The following CADPS2 variants were observed in gnomAD, a reference collection of about 807,000 sequenced individuals.
CADPS2 encodes calcium-dependent secretion activator 2.
A neutral mutation model predicts 172.5 loss-of-function variants in CADPS2; 93 were observed. The observed-to-expected ratio is 0.54, with a 90% CI of 0.46 to 0.64. The LOEUF (loss-of-function observed/expected upper bound fraction) is 0.64, where lower values mean the gene tolerates loss of function less well. CADPS2 is among the 30% of genes least tolerant of loss of function. The pLI is 0.00. For synonymous variants in CADPS2, 546 were observed against 555.2 expected, an observed-to-expected ratio of 0.98 and a Z score of 0.23; for missense variants, 1,420 against 1,565.9, an observed-to-expected ratio of 0.91 and a Z score of 1.57.
intron 14 of CADPS2, among the ~76,000 whole-genome samples, chr7:122,468,089 T>C (rs1410273230): frequency 6.6e-6 from 1 of 152,178 alleles, no homozygotes; most frequent in Non-Finnish European, 1.5e-5. Context: ...CCTAGAGAGC[T>C]CAACACTGTG....
intron 2 of CADPS2, among the ~76,000 whole-genome samples, chr7:122,687,794 A>G (rs2083830951): frequency 6.6e-6 from 1 of 152,210 alleles, no homozygotes; most frequent in African/African-American, 2.4e-5. Context: ...AAAAATAGTA[A>G]CACTGAAATT....
At chr7:122,551,129 TAAAA>T (rs1218747989) in intron 8 of CADPS2, among the ~76,000 whole-genome samples, 1 of 152,022 alleles carries the variant, frequency 6.6e-6, no homozygotes, top group Non-Finnish European at 1.5e-5. Context: ...CCTTCTGGTT[TAAAA>T]AAATAGTCAT....
At chr7:122,436,417 AACTCT>A in intron 17 of CADPS2, 1 of 1,230,404 alleles carries the variant, frequency 8.1e-7, no homozygotes, top group Non-Finnish European at 1.1e-6. Context: ...GAGAAAAGCA[AACTCT>A]ACCCTTGTCG....
Position 122,323,870 on chromosome 7 carries a change from A to ATT in CADPS2, c.3717+1605_3717+1606dup, listed in dbSNP as rs1350484430. 3.2e-3 allele frequency among the ~76,000 whole-genome samples: 305 copies of ATT among 95,938 alleles called. 10 individuals are homozygous for ATT. The highest frequency in any genetic ancestry group is 9.5e-3 in the East Asian group (32 of 3,368). The allele number at this position is 95,938 out of a possible 152,430, so 62.9% of individuals were successfully genotyped here. A position where few individuals can be genotyped will look rare whatever the true frequency, so the allele number is the denominator to read the frequency against. On this transcript the variant is annotated intron_variant, in intron 29 of 29. Transcript: ENST00000449022. ...ATATGCATATTATATACATATGTAT[A>ATT]TTTTATATATATATATATATATATA...
intron 5 of CADPS2, among the ~76,000 whole-genome samples, chr7:122,619,771 A>G (rs2471215): frequency 0.76 from 115,253 of 152,164 alleles, 43,913 homozygotes; most frequent in Middle Eastern, 0.91. Context: ...AGACAGGAAT[A>G]ATGAGGAAAT....
chr7:122,373,517 C>G (rs1744642566), intron 25 of CADPS2, among the ~76,000 whole-genome samples: 2 of 152,124 alleles, frequency 1.3e-5, no homozygotes, highest in Admixed American at 6.5e-5. Flanking sequence ...CACGCCTGCC[C>G]AAAGGCCCTA....
At chr7:122,871,385 A>C (rs1819708136) in intron 1 of CADPS2, among the ~76,000 whole-genome samples, 1 of 151,984 alleles carries the variant, frequency 6.6e-6, no homozygotes, top group Non-Finnish European at 1.5e-5. Flanking sequence ...ATATATGCTT[A>C]TCACTGACAA....
Position 122,657,160 on chromosome 7 carries a change from A to T in CADPS2, c.786+6077T>A, listed in dbSNP as rs555494270. Among the ~76,000 whole-genome samples, 789 of 152,148 alleles carry T rather than the reference A, an allele frequency of 5.2e-3. 10 individuals carry two copies. Among genetic ancestry groups the T allele is most frequent in the Admixed American group, 0.013 (199 of 15,258 alleles). ...TTCTGAGGACTCTGCTCTGTTCCATAGGTCTATATCTCTGTTTTGGTACCA... is the reference window on the plus strand; with the variant it reads ...TTCTGAGGACTCTGCTCTGTTCCATTGGTCTATATCTCTGTTTTGGTACCA... On this transcript the variant is annotated intron_variant, in intron 3 of 29. Coordinates refer to ENST00000449022, the MANE Select transcript of CADPS2 (RefSeq NM_017954.11).
intron 17 of CADPS2, among the ~76,000 whole-genome samples, chr7:122,431,636 A>G (rs574395942): frequency 6.6e-6 from 1 of 152,324 alleles, no homozygotes; most frequent in South Asian, 2.1e-4. Context: ...CTGTAGACAC[A>G]CTACATAACC....
intron 1 of CADPS2, among the ~76,000 whole-genome samples, chr7:122,812,942 A>G (rs1800394929): frequency 6.6e-6 from 1 of 152,156 alleles, no homozygotes; most frequent in African/African-American, 2.4e-5. Context: ...TTTTTAGTTC[A>G]TTCTCTATGG....
At chr7:122,527,257 C>T (rs2061310006) in intron 8 of CADPS2, among the ~76,000 whole-genome samples, 1 of 151,904 alleles carries the variant, frequency 6.6e-6, no homozygotes, top group Admixed American at 6.6e-5. Context: ...CCTTAAGCCC[C>T]TTTATGCCGA....
At position 122,647,466 on chromosome 7, in the gene CADPS2, A is replaced by G. The variant is rs1447594055; in HGVS notation, c.786+15771T>C. Among the ~76,000 whole-genome samples the G allele has an allele frequency of 2.0e-5, 3 of 152,202 alleles. No individual in the cohort carries two copies. The East Asian group carries it at 5.8e-4, about 29-fold the overall frequency. On this transcript the variant is annotated intron_variant, in intron 3 of 29. Coordinates refer to ENST00000449022, the MANE Select transcript of CADPS2 (RefSeq NM_017954.11). ...AAGTAGTTTTAGACATTTAATAGTA[A>G]TAATAGAAGTCTTTCTGCCAGTTTG... is the stretch of plus-strand genomic sequence containing the variant.
chr7:122,383,507 C>T (rs916520397), intron 24 of CADPS2, among the ~76,000 whole-genome samples: 6 of 151,998 alleles, frequency 3.9e-5, no homozygotes, highest in Non-Finnish European at 7.4e-5. Context: ...ATCTTAGATT[C>T]TAGGGCTTTG....
chr7:122,786,038 T>C (rs1793964985), intron 1 of CADPS2, among the ~76,000 whole-genome samples: 1 of 152,222 alleles, frequency 6.6e-6, no homozygotes, highest in Non-Finnish European at 1.5e-5. Flanking sequence ...AGGGATAATA[T>C]GGACTTTTAT....
At chr7:122,335,491 T>C (rs1261491301) in intron 28 of CADPS2, among the ~76,000 whole-genome samples, 1 of 152,210 alleles carries the variant, frequency 6.6e-6, no homozygotes, top group African/African-American at 2.4e-5. Flanking sequence ...CTCAAACTCC[T>C]GACCTCAGAT....
At chr7:122,686,919 G>A (rs893355814) in intron 2 of CADPS2, among the ~76,000 whole-genome samples, 1 of 152,100 alleles carries the variant, frequency 6.6e-6, no homozygotes, top group African/African-American at 2.4e-5. Context: ...TCCTGGCCTC[G>A]GGTCATCTGT....
In CADPS2 at chr7:122,712,683, TA is replaced by T. The variant is rs1299482340; in HGVS notation, c.453+24271del. Among the ~76,000 whole-genome samples the T allele has an allele frequency of 5.3e-5, 8 of 152,088 alleles. No homozygotes were observed. In the South Asian group the frequency reaches 1.5e-3, roughly 28 times the overall value. ...TTTGGGCTGTTATAACAAATTACCA[TA>T]AACTGGGTAGCTTATAAGCAGTAGA... On this transcript the variant is annotated intron_variant, in intron 2 of 29. Transcript: ENST00000449022.
At chr7:122,813,117 C>T (rs973830385) in intron 1 of CADPS2, among the ~76,000 whole-genome samples, 10 of 151,746 alleles carry the variant, frequency 6.6e-5, no homozygotes, top group African/African-American at 2.2e-4. Context: ...AGCACAGGTA[C>T]GGAAAAAAAA....
intron 16 of CADPS2, among the ~76,000 whole-genome samples, chr7:122,438,666 T>A (rs1231394896): frequency 2.0e-5 from 3 of 151,984 alleles, no homozygotes; most frequent in African/African-American, 7.2e-5. Flanking sequence ...GAGAATGTAA[T>A]CCTCCCACCT....
Sources: gnomAD v4.1 joint callset for allele counts (sites outside exome capture counted in the v4.1 genomes callset) on GRCh38, gnomAD v4.1.1 for gene constraint, MANE v1.5 for transcripts, NCBI Gene and HGNC (gene_info 2026-07-23, HGNC 2026-07-21) for gene names.